Variants in UBR4 observed in about 807,000 individuals in gnomAD.
The protein encoded by UBR4 is E3 ubiquitin-protein ligase UBR4.
A neutral mutation model predicts 575.6 loss-of-function variants in UBR4; 124 were observed. The observed-to-expected ratio is 0.22, with a 90% CI of 0.19 to 0.25. The LOEUF is 0.25. Ranked by LOEUF, UBR4 falls within the 10% of genes least tolerant of loss-of-function variation. The pLI is 1.00. For synonymous variants in UBR4, 2,455 were observed against 2,473.7 expected, an observed-to-expected ratio of 0.99 and a Z score of 0.22; for missense variants, 4,818 against 6,478.8, an observed-to-expected ratio of 0.74 and a Z score of 8.80.
intron 68 of UBR4, 91 bp downstream of exon 68, chr1:19,121,098 T>C (rs1419990718): frequency 1.3e-6 from 2 of 1,521,138 alleles, no homozygotes; most frequent in Non-Finnish European, 8.8e-7. Flanking sequence ...AAATCAGGAT[T>C]AAAAGACCTT....
chr1:19,198,719 T>C, intron 4 of UBR4, 39 bp from the exon 5 acceptor site: 1 of 1,612,764 alleles, frequency 6.2e-7, no homozygotes, highest in Middle Eastern at 1.7e-4. Flanking sequence ...CTGAGGAAAG[T>C]GCCACTAGAA....
chr1:19,127,551 T>C, intron 63 of UBR4, 72 bp downstream of exon 63: 3 of 1,167,632 alleles, frequency 2.6e-6, no homozygotes, highest in Non-Finnish European at 3.9e-6. Context: ...CTACCACCTC[T>C]GTGCTGGCCC....
chr1:19,163,779 A>T lies in UBR4; in HGVS notation c.4749T>A (p.Asn1583Lys). The T allele has an allele frequency of 6.2e-7, 1 of 1,614,082 alleles. No homozygotes were observed. Among genetic ancestry groups the T allele is most frequent in the Admixed American group, 1.7e-5 (1 of 60,008 alleles). ...QKNVVEKLNANVMHGKHVMIL... is the reference protein window; with the variant it reads ...QKNVVEKLNAKVMHGKHVMIL... The stretch of plus-strand genomic sequence containing the variant: ...CTTTTCTTACCTTTCCATGCATTAC[A>T]TTGGCATTCAGTTTTTCAACTACAT... Residue 1583 changes from asparagine to lysine, a missense_variant, in exon 34 of 106, where the codon AAT becomes AAA. Asn to Lys is a moderately conservative substitution (Grantham distance 94). Transcript: ENST00000375254.
At position 19,162,420 on chromosome 1, in the gene UBR4, T is replaced by C. The variant is rs748257118; in HGVS notation, c.4956A>G (p.Ser1652=). The C allele has an allele frequency of 6.2e-7, 1 of 1,612,190 alleles. No homozygotes were observed. Among genetic ancestry groups the C allele is most frequent in the Non-Finnish European group, 8.5e-7 (1 of 1,179,288 alleles). ...VEEEDSQAED[S]DEDSLCNKLC... ...AACTTCGAGGTTACTTAGTACTTAC[T>C]GAATCCTCAGCCTGGGAATCTTCCT... The change falls in exon 35 of 106, where the codon TCA becomes TCG. Residue 1652 remains serine, a splice_region_variant and synonymous_variant. Coordinates refer to ENST00000375254, the MANE Select transcript of UBR4 (RefSeq NM_020765.3).
intron 25 of UBR4, 147 bp downstream of exon 25, chr1:19,172,717 C>G (rs1046764725): frequency 5.1e-5 from 36 of 704,600 alleles, no homozygotes; most frequent in Admixed American, 1.1e-4. Flanking sequence ...TCATCAAGCA[C>G]CCCTTCATAC....
At chr1:19,084,394 C>G (rs555442103) in intron 102 of UBR4, 110 bp downstream of exon 102, 9 of 1,198,470 alleles carry the variant, frequency 7.5e-6, no homozygotes, top group Non-Finnish European at 1.0e-5. Context: ...TTAGGCCAGA[C>G]GCTTGCTCCG....
At chr1:19,081,697 A>G (rs2076527631) in intron 102 of UBR4, 124 bp from the exon 103 acceptor site, 2 of 1,031,012 alleles carry the variant, frequency 1.9e-6, no homozygotes, top group South Asian at 2.6e-5. Context: ...GGATGACTCA[A>G]CACTCCCCAC....
rs2077308814 is a variant in UBR4 at position 19,089,427 on chromosome 1, C to T, written c.14212-450G>A. Among the ~76,000 whole-genome samples, 1 of 152,142 alleles carries T rather than the reference C, an allele frequency of 6.6e-6. No homozygotes were observed. Among genetic ancestry groups the T allele is most frequent in the South Asian group, 2.1e-4 (1 of 4,830 alleles). On this transcript the variant is annotated intron_variant, in intron 97 of 105. Transcript: ENST00000375254. The surrounding 1 kb of genome is among the most constrained non-coding windows in gnomAD (Gnocchi z 4.3). ...CTGCCCTGAGTTCTCCACGGGAGCC[C>T]CTGGGTCCACCAAACCTAGGAGCAC...
At chr1:19,193,245 A>G (rs547170480) in intron 9 of UBR4, among the ~76,000 whole-genome samples, 188 bp downstream of exon 9, 120 of 152,352 alleles carry the variant, frequency 7.9e-4, no homozygotes, top group African/African-American at 2.3e-3. Context: ...ATAGGGAAAC[A>G]ATATACCAGA....
At chr1:19,074,969 C>A in intron 105 of UBR4, 73 bp from the exon 106 acceptor site, 1 of 1,516,564 alleles carries the variant, frequency 6.6e-7, no homozygotes. Context: ...TCACAGCTGC[C>A]GCATCTAGCA....
At chr1:19,182,406 T>G (rs747318834) in intron 17 of UBR4, among the ~76,000 whole-genome samples, 6 of 152,090 alleles carry the variant, frequency 3.9e-5, no homozygotes, top group African/African-American at 7.2e-5. Context: ...CAGTGGCTAT[T>G]TGCAGGCGCA....
chr1:19,081,449 T>C lies in UBR4; in HGVS notation c.15133A>G (p.Ile5045Val). The change falls in exon 103 of 106, where the codon ATC becomes GTC. Residue 5045 changes from isoleucine to valine, a missense_variant. Coordinates refer to ENST00000375254, the MANE Select transcript of UBR4 (RefSeq NM_020765.3). ...PYYFTVLALH[I>V]LPPEQWRATR... ...GCTCTCCACTGCTCAGGGGGCAGGA[T>C]GTGAAGGGCCAAGACTGTGAAATAG... The C allele has an allele frequency of 6.2e-7, 1 of 1,614,050 alleles. No individual in the cohort carries two copies. The highest frequency in any genetic ancestry group is 8.5e-7 in the Non-Finnish European group (1 of 1,180,026).
At chr1:19,092,749 G>A (rs1286108319) in intron 97 of UBR4, 70 bp downstream of exon 97, 8 of 1,298,254 alleles carry the variant, frequency 6.2e-6, no homozygotes, top group Non-Finnish European at 7.5e-6. Flanking sequence ...GGTAAGTCAT[G>A]TCTCAAGGTA....
chr1:19,160,441 T>C (rs545976992), intron 38 of UBR4, among the ~76,000 whole-genome samples, 160 bp from the exon 39 acceptor site: 3 of 152,318 alleles, frequency 2.0e-5, no homozygotes, highest in African/African-American at 7.2e-5. Context: ...AATCCTGGCA[T>C]TGATTCCAAT....
Position 19,147,983 on chromosome 1 carries a change from G to A in UBR4, c.7629+10C>T, listed in dbSNP as rs935823131. On this transcript the variant is annotated intron_variant, in intron 51 of 105. Transcript: ENST00000375254. ...GCACTGCAATTTCCTTTCCCTGAGAGAACAGTTACCTTGTGGCTGTGGTAG... is the reference window on the plus strand; with the variant it reads ...GCACTGCAATTTCCTTTCCCTGAGAAAACAGTTACCTTGTGGCTGTGGTAG... The A allele has an allele frequency of 1.2e-6, 2 of 1,609,936 alleles. No individual in the cohort carries two copies. Among genetic ancestry groups the A allele is most frequent in the East Asian group, 4.5e-5 (2 of 44,790 alleles).
chr1:19,151,323 A>T (rs2085669175), intron 48 of UBR4: 3 of 437,910 alleles, frequency 6.9e-6, no homozygotes, highest in Non-Finnish European at 1.3e-5. Flanking sequence ...TGCGTTAAGA[A>T]AGCCTTGCAA....
In UBR4 at chr1:19,150,565, C is replaced by A; in HGVS notation, c.7430+12G>T. ...TGTAAAAACTGAAGCCAACCCCTGCCAGCACTGGTACCTCTCCAGGACAGT... is the reference window on the plus strand; with the variant it reads ...TGTAAAAACTGAAGCCAACCCCTGCAAGCACTGGTACCTCTCCAGGACAGT... On this transcript the variant is annotated intron_variant, in intron 49 of 105. Transcript: ENST00000375254. 6.2e-7 allele frequency: 1 copy of A among 1,612,400 alleles called. No individual in the cohort carries two copies. Among genetic ancestry groups the A allele is most frequent in the South Asian group, 1.1e-5 (1 of 90,996 alleles).
chr1:19,207,708 G>A (rs1006481232), intron 1 of UBR4, among the ~76,000 whole-genome samples: 5 of 152,044 alleles, frequency 3.3e-5, no homozygotes, highest in Admixed American at 2.0e-4. Context: ...CCAAGCTAGG[G>A]GTTGGCAAAC....
intron 51 of UBR4, 144 bp downstream of exon 51, chr1:19,147,849 G>A (rs548161633): frequency 2.3e-6 from 3 of 1,290,000 alleles, no homozygotes; most frequent in Non-Finnish European, 3.1e-6. Context: ...GAATTTCTCA[G>A]GAGAAACTCT....
Sources: gnomAD v4.1 joint callset for allele counts (sites outside exome capture counted in the v4.1 genomes callset) on GRCh38, gnomAD v4.1.1 for gene constraint, Gnocchi (gnomAD v3.1) non-coding constraint, MANE v1.5 for transcripts, NCBI Gene and HGNC (gene_info 2026-07-23, HGNC 2026-07-21) for gene names.